The following NRK variants were observed in gnomAD, a reference collection of about 807,000 sequenced individuals.
NRK encodes the protein nik-related protein kinase.
NRK carries 67 observed loss-of-function variants against 125.2 expected under a neutral mutation model. The observed-to-expected ratio is 0.54, with a 90% confidence interval of 0.44 to 0.66. The LOEUF (loss-of-function observed/expected upper bound fraction) is 0.66, where lower values mean the gene tolerates loss of function less well. NRK is among the 30% of genes least tolerant of loss of function. NRK has a pLI of 0.00. For missense variants in NRK, 1,224 were observed against 1,192.9 expected, an observed-to-expected ratio of 1.03 and a Z score of -0.38; for synonymous variants, 458 against 429.0, an observed-to-expected ratio of 1.07 and a Z score of -0.84.
chrX:105,954,230 T>C (rs2040942636), intron 28 of NRK, among the ~76,000 whole-genome samples: 1 of 111,139 alleles, frequency 9.0e-6, no homozygotes, highest in African/African-American at 3.3e-5. Flanking sequence ...TACAATGTTG[T>C]CTCTTTATTA....
intron 4 of NRK, among the ~76,000 whole-genome samples, chrX:105,883,012 T>C (rs2039903320): frequency 8.9e-6 from 1 of 112,391 alleles, no homozygotes; most frequent in East Asian, 2.8e-4. Context: ...TCTGGCATCC[T>C]TGAGCTGCCT....
chrX:105,924,249 T>A (rs1340745558), intron 18 of NRK, among the ~76,000 whole-genome samples: 3 of 110,150 alleles, frequency 2.7e-5, no homozygotes, highest in Non-Finnish European at 5.7e-5. Context: ...TGTTAGAAAA[T>A]CAAGGCACAT....
chrX:105,946,456 C>A lies in NRK; in HGVS notation c.4345C>A (p.Pro1449Thr), dbSNP rs2040814540. 1.7e-6 allele frequency: 2 copies of A among 1,176,356 alleles called. No homozygotes were observed. The highest frequency in any genetic ancestry group is 1.8e-5 in the African/African-American group (1 of 56,283). ...ESEVMSDVTLPKNPLEIIIPQ... is the reference protein window; with the variant it reads ...ESEVMSDVTLTKNPLEIIIPQ... The stretch of plus-strand genomic sequence containing the variant: ...TGAGGTTATGTCTGATGTGACCCTG[C>A]CAAAGAATGTAAGATAACACCTTCA... The change falls in exon 26 of 29, where the codon CCA becomes ACA. Residue 1449 changes from proline (P) to threonine (T), a missense_variant. By Grantham distance (38) the Pro-to-Thr change is conservative. Coordinates refer to ENST00000243300, the MANE Select transcript of NRK (RefSeq NM_198465.4).
At position 105,841,804 on chromosome X, in the gene NRK, C is replaced by G. The variant is rs1376730925; in HGVS notation, c.123+10685C>G. 3.3e-4 allele frequency among the ~76,000 whole-genome samples: 37 copies of G among 111,079 alleles called. No individual in the cohort carries two copies. In the Admixed American group the frequency reaches 3.6e-3, roughly 11 times the overall value. ...AAAAGATGGAGATTTAAATATTAGT[C>G]ACTTTAGAGATAGTGACCTCAATGT... On this transcript the variant is annotated intron_variant, in intron 2 of 28. Coordinates refer to ENST00000243300, the MANE Select transcript of NRK (RefSeq NM_198465.4).
chrX:105,946,809 A>G (rs182295936), intron 26 of NRK, among the ~76,000 whole-genome samples: 181 of 111,900 alleles, frequency 1.6e-3, no homozygotes, highest in Non-Finnish European at 2.8e-3. Context: ...AGCCATTATC[A>G]ATTGGAATGT....
intron 8 of NRK, among the ~76,000 whole-genome samples, chrX:105,899,719 A>G (rs1048462071): frequency 9.0e-6 from 1 of 111,706 alleles, no homozygotes; most frequent in Non-Finnish European, 1.9e-5. Flanking sequence ...GGTTCTAAAA[A>G]TCCAGTTAAC....
At chrX:105,919,274 A>G (rs1239272795) in intron 16 of NRK, among the ~76,000 whole-genome samples, 1 of 110,829 alleles carries the variant, frequency 9.0e-6, no homozygotes, top group Non-Finnish European at 1.9e-5. Context: ...ACACTCACCC[A>G]GACCTGAATT....
At chrX:105,920,755 GA>G (rs2040431594) in intron 16 of NRK, among the ~76,000 whole-genome samples, 1 of 108,740 alleles carries the variant, frequency 9.2e-6, no homozygotes, top group Admixed American at 9.9e-5. Context: ...GGCCATCAGA[GA>G]AATGCAAATC....
chrX:105,923,251 A>G lies in NRK; in HGVS notation c.2744A>G (p.Glu915Gly). The change falls in exon 18 of 29, where the codon GAA (glutamate) becomes GGA (glycine). Residue 915 changes from glutamate to glycine, a missense_variant. Glu to Gly is a moderately conservative substitution (Grantham distance 98, BLOSUM62 -2). Transcript: ENST00000243300. ...CCGGCACCTGTCATTCAGCCACCTG[A>G]AGAGGATGGTGATTATGTTGAACTC... The part of the protein sequence containing the change: ...LTPAPVIQPP[E>G]EDGDYVELYD... 1 of 1,208,733 alleles carries G rather than the reference A, an allele frequency of 8.3e-7. No individual in the cohort carries two copies. The highest frequency in any genetic ancestry group is 1.1e-6 in the Non-Finnish European group (1 of 893,363).
At chrX:105,921,861 A>G (rs771494664) in intron 16 of NRK, 103 bp from the exon 17 acceptor site, 87 of 364,638 alleles carry the variant, frequency 2.4e-4, no homozygotes, top group African/African-American at 2.1e-3. Context: ...TGACCAAGAA[A>G]AAAAAAAAGA....
intron 2 of NRK, among the ~76,000 whole-genome samples, chrX:105,865,481 A>T (rs1403180091): frequency 9.0e-6 from 1 of 111,291 alleles, no homozygotes; most frequent in Non-Finnish European, 1.9e-5. Flanking sequence ...GGTTGTGTGA[A>T]TTCCCAGGTG....
intron 2 of NRK, among the ~76,000 whole-genome samples, chrX:105,859,221 G>T (rs1486652661): frequency 3.6e-5 from 4 of 111,738 alleles, no homozygotes; most frequent in Non-Finnish European, 5.6e-5. Context: ...AGAGTAATTT[G>T]TTTAGTAATA....
intron 5 of NRK, among the ~76,000 whole-genome samples, chrX:105,891,498 A>G (rs763886240): frequency 4.5e-4 from 50 of 111,932 alleles, no homozygotes; most frequent in Non-Finnish European, 6.4e-4. Context: ...TCAAGTGGCA[A>G]TAAAGTATTC....
chrX:105,893,076 A>T (rs2040035260), intron 5 of NRK, among the ~76,000 whole-genome samples: 1 of 111,868 alleles, frequency 8.9e-6, no homozygotes, highest in Non-Finnish European at 1.9e-5. Flanking sequence ...AACTCATATT[A>T]CCTGGATGAA....
In NRK at chrX:105,909,808, C is replaced by G. The variant is rs1186898738; in HGVS notation, c.2167C>G (p.Arg723Gly). 30 of 1,182,538 alleles carry G rather than the reference C, an allele frequency of 2.5e-5. No individual in the cohort carries two copies. The highest frequency in any genetic ancestry group is 3.4e-5 in the Non-Finnish European group (30 of 879,531). The change falls in exon 13 of 29, where the codon CGC becomes GGC. Residue 723 changes from arginine to glycine, a missense_variant. Transcript: ENST00000243300. Reference protein sequence around the residue: ...EKLELSDLEARRQRRQRRWED... With the variant: ...EKLELSDLEAGRQRRQRRWED... ...GCTTGAACTCTCGGATTTAGAAGCC[C>G]GCAGGCAAAGGCGCCAACGCAGATG...
intron 2 of NRK, among the ~76,000 whole-genome samples, chrX:105,837,069 G>A (rs1189362422): frequency 3.6e-5 from 4 of 111,546 alleles, no homozygotes; most frequent in Non-Finnish European, 7.5e-5. Flanking sequence ...TTATCTAGCA[G>A]CATAGAACTA....
At chrX:105,936,100 A>G (rs2040661803) in intron 21 of NRK, among the ~76,000 whole-genome samples, 1 of 111,366 alleles carries the variant, frequency 9.0e-6, no homozygotes, top group Non-Finnish European at 1.9e-5. Context: ...TGAATCATAA[A>G]TGAAACAAAA....
At position 105,822,706 on chromosome X, in the gene NRK, C is replaced by T; in HGVS notation, c.-140C>T. ...CACGTTTCCCCTCCTCTATCTCCCACGCCACGAACCCCGATCCCCAGACTC... is the reference window on the plus strand; with the variant it reads ...CACGTTTCCCCTCCTCTATCTCCCATGCCACGAACCCCGATCCCCAGACTC... On this transcript the variant is annotated 5_prime_UTR_variant, in exon 1 of 29. In the 5' UTR this introduces an upstream ATG that the reference lacks. Transcript: ENST00000243300. The T allele has an allele frequency of 1.7e-6, 1 of 600,334 alleles. No homozygotes were observed. Among genetic ancestry groups the T allele is most frequent in the Non-Finnish European group, 2.8e-6 (1 of 360,370 alleles). 49.5% of individuals were successfully genotyped at this position (600,334 alleles called of 1,213,427 possible). A position where few individuals can be genotyped will look rare whatever the true frequency, so the allele number is the denominator to read the frequency against.
Position 105,822,833 on chromosome X carries a change from G to T in NRK, c.-13G>T, listed in dbSNP as rs1306434065. 1 of 1,168,857 alleles carries T rather than the reference G, an allele frequency of 8.6e-7. No individual in the cohort carries two copies. Among genetic ancestry groups the T allele is most frequent in the South Asian group, 1.9e-5 (1 of 52,830 alleles). ...CAATTCAGTCGCCCGCTCCCGTTCG[G>T]CTCCTCGAAGCCATGGCGGGACCTG... On this transcript the variant is annotated 5_prime_UTR_variant, in exon 1 of 29. Transcript: ENST00000243300.
Sources: gnomAD v4.1 joint callset for allele counts (sites outside exome capture counted in the v4.1 genomes callset) on GRCh38, gnomAD v4.1.1 for gene constraint, MANE v1.5 for transcripts, NCBI Gene and HGNC (gene_info 2026-07-23, HGNC 2026-07-21) for gene names.